Variants in TBK1 observed in about 807,000 individuals in gnomAD.
The protein encoded by TBK1 is TANK binding kinase 1.
A neutral mutation model predicts 99.9 loss-of-function variants in TBK1; 37 were observed. The observed-to-expected ratio is 0.37, with a 90% CI of 0.28 to 0.49. TBK1 has a LOEUF of 0.49. Among genes scored for constraint, TBK1 ranks in the 20% least tolerant of loss-of-function variants. The pLI is 0.98. For synonymous variants in TBK1, 258 were observed against 279.8 expected (o/e 0.92, Z 0.78); for missense variants, 644 against 872.5 (o/e 0.74, Z 3.30).
intron 7 of TBK1, 141 bp from the exon 8 acceptor site, chr12:64,481,701 T>G: frequency 1.9e-6 from 1 of 536,748 alleles, no homozygotes. Context: ...TCTGAAAAGT[T>G]GACAGATTTT....
chr12:64,474,199 C>G, intron 5 of TBK1, 31 bp from the exon 6 acceptor site: 7 of 1,581,094 alleles, frequency 4.4e-6, no homozygotes, highest in Non-Finnish European at 6.0e-6. Flanking sequence ...GTCACAGGTT[C>G]ATGATTTTTT....
In TBK1 at chr12:64,454,066, C is replaced by T. The variant is rs947582275; in HGVS notation, c.-31-1774C>T. Among the ~76,000 whole-genome samples, 3 of 152,046 alleles carry T rather than the reference C, an allele frequency of 2.0e-5. No individual in the cohort carries two copies. In the South Asian group the frequency reaches 6.2e-4, roughly 32 times the overall value. On this transcript the variant is annotated intron_variant, in intron 1 of 20. Coordinates refer to ENST00000331710, the MANE Select transcript of TBK1 (RefSeq NM_013254.4). ...TTGTCTTCATTAGTGTTTCTCTGCT[C>T]TGAAGGAAACAAAGTAATTTTTCCT...
intron 8 of TBK1, among the ~76,000 whole-genome samples, chr12:64,483,002 T>G (rs2040782824): frequency 6.6e-6 from 1 of 152,226 alleles, no homozygotes; most frequent in South Asian, 2.1e-4. Flanking sequence ...TGGGGGAAGC[T>G]GGGAGAAGAA....
At chr12:64,497,409 A>G in intron 18 of TBK1, 150 bp downstream of exon 18, 1 of 636,370 alleles carries the variant, frequency 1.6e-6, no homozygotes, top group Non-Finnish European at 2.5e-6. Flanking sequence ...AAGAATGTAG[A>G]TGTTTTACAA....
intron 16 of TBK1, 127 bp from the exon 17 acceptor site, chr12:64,496,822 C>T: frequency 1.6e-6 from 1 of 637,474 alleles, no homozygotes; most frequent in African/African-American, 1.9e-5. Flanking sequence ...TTACTTTCTC[C>T]TGTAAATATT....
At chr12:64,470,441 A>G (rs2040651212) in intron 5 of TBK1, among the ~76,000 whole-genome samples, 1 of 152,218 alleles carries the variant, frequency 6.6e-6, no homozygotes, top group Non-Finnish European at 1.5e-5. Flanking sequence ...GTGCAGTGAT[A>G]ACTCATGTTG....
chr12:64,480,346 A>G (rs1013689638), intron 7 of TBK1, among the ~76,000 whole-genome samples: 1 of 152,194 alleles, frequency 6.6e-6, no homozygotes, highest in Non-Finnish European at 1.5e-5. Context: ...GACACAGGGC[A>G]TACATTTTTG....
Position 64,485,461 on chromosome 12 carries a change from T to C in TBK1, c.1196T>C (p.Leu399Pro). The change falls in exon 10 of 21, where the codon CTC (leucine) becomes CCC (proline). Residue 399 changes from leucine (L) to proline (P), a missense_variant. Physicochemically the swap from Leu to Pro is moderately conservative, Grantham distance 98. Around this residue, in one of 3 missense-constraint regions of TBK1, gnomAD observed 465 missense variants for 588.0 expected, o/e 0.79. Transcript: ENST00000331710. ...TIGLIYEKIS[L>P]PKVHPRYDLD... ...ATTTTACTTCATATTTCAGTTTCCCTCCCTAAAGTACATCCACGTTATGAT... is the reference window on the plus strand; with the variant it reads ...ATTTTACTTCATATTTCAGTTTCCCCCCCTAAAGTACATCCACGTTATGAT... 6.5e-7 allele frequency: 1 copy of C among 1,540,030 alleles called. No individual in the cohort carries two copies. Among genetic ancestry groups the C allele is most frequent in the Non-Finnish European group, 8.8e-7 (1 of 1,130,700 alleles).
intron 7 of TBK1, among the ~76,000 whole-genome samples, chr12:64,481,072 C>T (rs7972334): frequency 0.89 from 135,926 of 152,164 alleles, 60,987 homozygotes; most frequent in Admixed American, 0.94. Flanking sequence ...AAAATGAAAT[C>T]GTCATGTAAC....
At position 64,480,076 on chromosome 12, in the gene TBK1, C is replaced by G; in HGVS notation, c.766C>G (p.Pro256Ala). 1.9e-6 allele frequency: 3 copies of G among 1,612,722 alleles called. No individual in the cohort carries two copies. Among genetic ancestry groups the G allele is most frequent in the South Asian group, 2.2e-5 (2 of 90,904 alleles). ...TGGAGTACAGAAAGCAGAAAATGGA[C>G]CAATTGACTGGAGTGGAGACATGCC... ...ISGVQKAENG[P>A]IDWSGDMPVS... Residue 256 changes from proline (P) to alanine (A), a missense_variant, in exon 7 of 21, where the codon CCA becomes GCA. Physicochemically the swap from Pro to Ala is conservative, Grantham distance 27. Coordinates refer to ENST00000331710, the MANE Select transcript of TBK1 (RefSeq NM_013254.4).
rs2136086980 is a variant in TBK1 at position 64,495,509 on chromosome 12, A to C, written c.1548A>C (p.Glu516Asp). 1 of 1,614,062 alleles carries C rather than the reference A, an allele frequency of 6.2e-7. No individual in the cohort carries two copies. The highest frequency in any genetic ancestry group is 1.7e-4 in the Middle Eastern group (1 of 6,060). The change falls in exon 14 of 21, where the codon GAA (glutamate) becomes GAC (aspartate). Residue 516 changes from glutamate (E) to aspartate (D), a missense_variant. Glu to Asp is a conservative substitution (Grantham distance 45). This residue lies in a region of TBK1 where 465 missense variants were observed against 588.0 expected (regional missense o/e 0.79). Transcript: ENST00000331710. ...TTTCCAGTTCTCAGGGAACAATAGA[A>C]ACCAGTCTTCAGGATATCGACAGCA... ...LRLSSSQGTI[E>D]TSLQDIDSRL...
chr12:64,457,788 A>G lies in TBK1; in HGVS notation c.87+1831A>G, dbSNP rs75977259. On this transcript the variant is annotated intron_variant, in intron 2 of 20. Transcript: ENST00000331710. ...CTTCATGTAAGTGACTACACATAGT[A>G]TGCACTCTGTAAATGTTTGCTGAAT... Among the ~76,000 whole-genome samples, 1,242 of 152,320 alleles carry G rather than the reference A, an allele frequency of 8.2e-3. 4 individuals carry two copies. Among genetic ancestry groups the G allele is most frequent in the Non-Finnish European group, 0.013 (907 of 68,022 alleles).
At chr12:64,468,517 A>T (rs2040629351) in intron 5 of TBK1, among the ~76,000 whole-genome samples, 1 of 152,040 alleles carries the variant, frequency 6.6e-6, no homozygotes, top group South Asian at 2.1e-4. Context: ...AGTACCTAAA[A>T]ATGGATTTTA....
At position 64,452,472 on chromosome 12, in the gene TBK1, G is replaced by T. The variant is rs1012790687; in HGVS notation, c.-32+285G>T. The T allele has an allele frequency of 2.0e-5, 3 of 152,290 alleles. No individual in the cohort carries two copies. The East Asian group carries it at 5.8e-4, about 29-fold the overall frequency. The allele number at this position is 152,290 out of a possible 1,614,324, so 9.4% of individuals were successfully genotyped here. On this transcript the variant is annotated intron_variant, in intron 1 of 20. Coordinates refer to ENST00000331710, the MANE Select transcript of TBK1 (RefSeq NM_013254.4). ...CTGCATCCCCGCTCCGCGCCGCGCGGCCGGTCCTCGACCTGCATCCCGTCC... is the reference window on the plus strand; with the variant it reads ...CTGCATCCCCGCTCCGCGCCGCGCGTCCGGTCCTCGACCTGCATCCCGTCC...
At chr12:64,474,503 TG>T in intron 6 of TBK1, 113 bp downstream of exon 6, 1 of 1,082,400 alleles carries the variant, frequency 9.2e-7, no homozygotes, top group Non-Finnish European at 1.3e-6. Context: ...CAATCATTTC[TG>T]ATATTTTAAG....
intron 8 of TBK1, among the ~76,000 whole-genome samples, chr12:64,482,560 T>TAC (rs2040777965): frequency 6.6e-6 from 1 of 152,200 alleles, no homozygotes; most frequent in Non-Finnish European, 1.5e-5. Context: ...GTGATAAAAC[T>TAC]GCATATAAAG....
intron 8 of TBK1, among the ~76,000 whole-genome samples, chr12:64,483,742 C>T (rs1044540308): frequency 4.6e-5 from 7 of 152,180 alleles, no homozygotes; most frequent in Admixed American, 2.6e-4. Context: ...CACAGTGGCT[C>T]ACACCTGTAA....
chr12:64,481,665 G>A (rs1438442360), intron 7 of TBK1, among the ~76,000 whole-genome samples, 177 bp from the exon 8 acceptor site: 1 of 152,082 alleles, frequency 6.6e-6, no homozygotes. Flanking sequence ...ATTGATGAGT[G>A]GCATTAAATG....
intron 11 of TBK1, 128 bp from the exon 12 acceptor site, chr12:64,488,357 AGT>A: frequency 1.9e-6 from 1 of 524,548 alleles, no homozygotes; most frequent in South Asian, 3.0e-5. Context: ...TGTTTCAAAA[AGT>A]GTGAATTGAT....
Sources: gnomAD v4.1 joint callset for allele counts (sites outside exome capture counted in the v4.1 genomes callset) on GRCh38, gnomAD v4.1.1 for gene constraint, gnomAD v4.1.1 regional missense constraint, MANE v1.5 for transcripts, NCBI Gene and HGNC (gene_info 2026-07-23, HGNC 2026-07-21) for gene names.